RPTOR: variants seen among roughly 807,000 people sequenced by gnomAD.
RPTOR encodes the protein regulatory-associated protein of mTOR.
A neutral mutation model predicts 169.9 loss-of-function variants in RPTOR; 21 were observed. The ratio of observed to expected loss-of-function variants is 0.12; its 90% confidence interval spans 0.09 to 0.18. The LOEUF (loss-of-function observed/expected upper bound fraction) is 0.18. RPTOR is among the 10% of genes least tolerant of loss of function. The pLI, the probability that RPTOR is intolerant of heterozygous loss-of-function variation, is 1.00. For missense variants in RPTOR, 1,133 were observed against 1,855.9 expected, an observed-to-expected ratio of 0.61 and a Z score of 7.16; for synonymous variants, 732 against 753.2, an observed-to-expected ratio of 0.97 and a Z score of 0.46.
rs869087907 is a variant in RPTOR, at chr17:80,940,638, CG to C, written c.3025+42del. Reference sequence around the variant, plus strand: ...CGCACAGCCAGCCAGGGGCTCATTCCGGGGGTGGGGCCTGGGGCGAGGGTCC... The same window carrying C: ...CGCACAGCCAGCCAGGGGCTCATTCCGGGGTGGGGCCTGGGGCGAGGGTCC... On this transcript the variant is annotated intron_variant, in intron 25 of 33. Transcript: ENST00000306801. 4 of 1,541,052 alleles carry C rather than the reference CG, an allele frequency of 2.6e-6. No homozygotes were observed. In the South Asian group the frequency reaches 4.7e-5, roughly 18 times the overall value.
chr17:80,714,351 C>G (rs1346295414), intron 4 of RPTOR, among the ~76,000 whole-genome samples: 3 of 152,164 alleles, frequency 2.0e-5, no homozygotes, highest in Non-Finnish European at 4.4e-5. Context: ...ATCAATCACC[C>G]CGACTTAATT....
At chr17:80,645,074 T>C (rs949422749) in intron 3 of RPTOR, among the ~76,000 whole-genome samples, 5 of 152,230 alleles carry the variant, frequency 3.3e-5, no homozygotes. Flanking sequence ...GGGGATGGCA[T>C]GAGGACTGGA....
intron 11 of RPTOR, among the ~76,000 whole-genome samples, chr17:80,854,208 T>C (rs2143739745): frequency 6.6e-6 from 1 of 152,334 alleles, no homozygotes; most frequent in South Asian, 2.1e-4. Context: ...AAAGGATGTA[T>C]TTTCACCTGT....
chr17:80,594,063 CTCTT>C (rs1489672758), intron 1 of RPTOR, among the ~76,000 whole-genome samples: 5 of 150,876 alleles, frequency 3.3e-5, no homozygotes, highest in African/African-American at 1.2e-4. Flanking sequence ...TTTTTCTTTC[CTCTT>C]TCTTTCTCTT....
chr17:80,713,470 G>T (rs12946206), intron 4 of RPTOR, among the ~76,000 whole-genome samples: 27,091 of 152,134 alleles, frequency 0.18, 2,851 homozygotes, highest in East Asian at 0.24. Flanking sequence ...GATCCTCCAG[G>T]ATGTCCCACA....
intron 1 of RPTOR, among the ~76,000 whole-genome samples, chr17:80,580,611 C>T (rs2065005820): frequency 6.6e-6 from 1 of 151,976 alleles, no homozygotes; most frequent in South Asian, 2.1e-4. Context: ...TGAAGAGTGA[C>T]CCGTGTGGGG....
chr17:80,638,223 A>C (rs8072965), intron 2 of RPTOR, among the ~76,000 whole-genome samples: 1 of 151,834 alleles, frequency 6.6e-6, no homozygotes, highest in South Asian at 2.1e-4. Flanking sequence ...ATGAGCCCAC[A>C]CTCTGAGGTC....
At chr17:80,890,221 C>T (rs1168695459) in intron 17 of RPTOR, among the ~76,000 whole-genome samples, 1 of 152,210 alleles carries the variant, frequency 6.6e-6, no homozygotes, top group African/African-American at 2.4e-5. Flanking sequence ...CCTCGGTGCA[C>T]GTTAATCCAT....
chr17:80,620,405 G>T (rs966813218), intron 1 of RPTOR, among the ~76,000 whole-genome samples: 1 of 152,136 alleles, frequency 6.6e-6, no homozygotes, highest in Non-Finnish European at 1.5e-5. Context: ...TTGAAACGAG[G>T]TTGCCATAGA....
intron 3 of RPTOR, among the ~76,000 whole-genome samples, chr17:80,667,126 T>C (rs561040887): frequency 6.6e-6 from 1 of 152,298 alleles, no homozygotes; most frequent in South Asian, 2.1e-4. Flanking sequence ...TGATGGTAGG[T>C]TCTGCTGGAT....
At chr17:80,766,507 G>A (rs141529054) in intron 6 of RPTOR, among the ~76,000 whole-genome samples, 87 of 152,300 alleles carry the variant, frequency 5.7e-4, no homozygotes, top group African/African-American at 2.0e-3. Context: ...GAGCCACCAC[G>A]CCTGATCCCA....
intron 17 of RPTOR, among the ~76,000 whole-genome samples, chr17:80,890,215 G>A (rs1391271193): frequency 6.6e-6 from 1 of 152,192 alleles, no homozygotes; most frequent in Non-Finnish European, 1.5e-5. Context: ...CCACCACCTC[G>A]GTGCACGTTA....
chr17:80,779,392 T>C (rs1461283295), intron 6 of RPTOR, among the ~76,000 whole-genome samples: 1 of 152,226 alleles, frequency 6.6e-6, no homozygotes, highest in East Asian at 1.9e-4. Flanking sequence ...CGTGGCTTTC[T>C]GGGAGAACCG....
chr17:80,721,226 C>G lies in RPTOR; in HGVS notation c.508-9334C>G, dbSNP rs1413201893. Among the ~76,000 whole-genome samples, 2 of 151,140 alleles carry G rather than the reference C, an allele frequency of 1.3e-5. No homozygotes were observed. Among genetic ancestry groups the G allele is most frequent in the Non-Finnish European group, 2.9e-5 (2 of 68,036 alleles). On this transcript the variant is annotated intron_variant, in intron 4 of 33. Transcript: ENST00000306801. This position sits in a 1 kb window ranked among gnomAD's most constrained non-coding sequence, Gnocchi z 4.7. ...GGGAGCAGGTGATGTGGTTCCAGTGCTCTGTCATCCTGGGGTCAGTAGGAT... is the reference window on the plus strand; with the variant it reads ...GGGAGCAGGTGATGTGGTTCCAGTGGTCTGTCATCCTGGGGTCAGTAGGAT...
chr17:80,964,220 C>T lies in RPTOR; in HGVS notation c.3940-42C>T, dbSNP rs1427427371. 2.7e-6 allele frequency: 4 copies of T among 1,458,426 alleles called. No individual in the cohort carries two copies. The Admixed American group carries it at 5.0e-5, about 18-fold the overall frequency. The allele number at this position is 1,458,426 out of a possible 1,614,324, so 90.3% of individuals were successfully genotyped here. A position where few individuals can be genotyped will look rare whatever the true frequency, so the allele number is the denominator to read the frequency against. On this transcript the variant is annotated intron_variant, in intron 33 of 33. Coordinates refer to ENST00000306801, the MANE Select transcript of RPTOR (RefSeq NM_020761.3). ...GCCCCCCCGCCCCCCGCAGTGTCTG[C>T]CCGCACCTGAACCCCTGCTCACCCC... is the stretch of plus-strand genomic sequence containing the variant.
At chr17:80,638,327 C>T (rs1419565493) in intron 2 of RPTOR, among the ~76,000 whole-genome samples, 1 of 152,032 alleles carries the variant, frequency 6.6e-6, no homozygotes, top group Non-Finnish European at 1.5e-5. Flanking sequence ...GCCGTATGCT[C>T]TGTGCACACA....
At chr17:80,838,563 C>T (rs1027870318) in intron 10 of RPTOR, among the ~76,000 whole-genome samples, 29 of 152,236 alleles carry the variant, frequency 1.9e-4, no homozygotes, top group Non-Finnish European at 3.2e-4. Context: ...TTACGTGAGG[C>T]GCCAAGTCTG....
At chr17:80,592,836 C>T (rs544939104) in intron 1 of RPTOR, among the ~76,000 whole-genome samples, 24 of 152,084 alleles carry the variant, frequency 1.6e-4, no homozygotes, top group East Asian at 3.9e-4. Flanking sequence ...TTTGTGAGGT[C>T]GGTTGCTAGG....
At chr17:80,817,850 G>A (rs941149294) in intron 7 of RPTOR, among the ~76,000 whole-genome samples, 4 of 152,202 alleles carry the variant, frequency 2.6e-5, no homozygotes, top group Non-Finnish European at 5.9e-5. Flanking sequence ...GCATTTCGGA[G>A]CTGGCCTGGC....
Sources: allele counts gnomAD v4.1 joint callset (sites outside exome capture counted in the v4.1 genomes callset), GRCh38; gene constraint gnomAD v4.1.1; non-coding constraint Gnocchi (gnomAD v3.1); transcripts MANE v1.5; gene names NCBI Gene and HGNC (gene_info 2026-07-23, HGNC 2026-07-21).